EIF4G3: variants seen among roughly 807,000 people sequenced by gnomAD.
EIF4G3 encodes eukaryotic translation initiation factor 4 gamma 3.
In EIF4G3, 34 loss-of-function variants were observed where a neutral mutation model predicts 186.4. The ratio of observed to expected loss-of-function variants is 0.18; its 90% CI spans 0.14 to 0.24. The LOEUF is 0.24. EIF4G3 is among the 10% of genes least tolerant of loss of function. The pLI is 1.00. For synonymous variants in EIF4G3, 673 were observed against 679.5 expected (o/e 0.99, Z 0.15); for missense variants, 1,536 against 1,948.5 (o/e 0.79, Z 3.99).
At chr1:21,094,803 T>TAATAAA (rs1405484355) in intron 2 of EIF4G3, among the ~76,000 whole-genome samples, 6 of 145,012 alleles carry the variant, frequency 4.1e-5, no homozygotes, top group South Asian at 2.2e-4. Flanking sequence ...ATAATAATAA[T>TAATAAA]AAAAGCCAGG....
intron 4 of EIF4G3, among the ~76,000 whole-genome samples, chr1:21,042,635 A>G (rs2093649244): frequency 6.6e-6 from 1 of 152,122 alleles, no homozygotes; most frequent in African/African-American, 2.4e-5. Context: ...CGTCCACTAC[A>G]ATAAATCTGA....
At chr1:21,037,504 A>G (rs979874664) in intron 4 of EIF4G3, among the ~76,000 whole-genome samples, 1 of 152,208 alleles carries the variant, frequency 6.6e-6, no homozygotes, top group African/African-American at 2.4e-5. Context: ...GAATCAGAAG[A>G]GTCAATTACA....
At chr1:21,169,931 C>T (rs901745016) in intron 2 of EIF4G3, among the ~76,000 whole-genome samples, 3 of 152,088 alleles carry the variant, frequency 2.0e-5, no homozygotes, top group Middle Eastern at 3.2e-3. Context: ...AATCCCAGCA[C>T]TTTGGGAGGC....
chr1:20,879,173 G>A (rs1310275392), intron 20 of EIF4G3, 150 bp downstream of exon 20: 2 of 564,736 alleles, frequency 3.5e-6, no homozygotes, highest in South Asian at 5.9e-5. Flanking sequence ...AAGCAAGATT[G>A]TCTTTAATAA....
At chr1:20,877,764 CAG>C in intron 20 of EIF4G3, among the ~76,000 whole-genome samples, 1 of 152,280 alleles carries the variant, frequency 6.6e-6, no homozygotes, top group South Asian at 2.1e-4. Flanking sequence ...GGATTAAAAA[CAG>C]GGGCTTAAAG....
At chr1:20,928,918 AC>A (rs1423606290) in intron 14 of EIF4G3, among the ~76,000 whole-genome samples, 6 of 152,090 alleles carry the variant, frequency 3.9e-5, no homozygotes, top group Non-Finnish European at 5.9e-5. Context: ...CCTGGTGAGC[AC>A]TAATTTATTT....
chr1:20,853,514 G>T, intron 27 of EIF4G3, 46 bp downstream of exon 27: 1 of 1,295,018 alleles, frequency 7.7e-7, no homozygotes, highest in South Asian at 1.2e-5. Flanking sequence ...CACACATACT[G>T]GCAAGCGGGC....
At position 20,879,501 on chromosome 1, in the gene EIF4G3, C is replaced by T. The variant is rs950216111; in HGVS notation, c.2444G>A (p.Arg815Gln). The T allele has an allele frequency of 1.4e-6, 2 of 1,437,814 alleles. No homozygotes were observed. The highest frequency in any genetic ancestry group is 1.8e-6 in the Non-Finnish European group (2 of 1,086,756). The allele number at this position is 1,437,814 out of a possible 1,614,324, so 89.1% of individuals were successfully genotyped here. A position where few individuals can be genotyped will look rare whatever the true frequency, so the allele number is the denominator to read the frequency against. The change falls in exon 20 of 37, where the codon CGA becomes CAA. Residue 815 changes from arginine (R) to glutamine (Q), a missense_variant. By Grantham distance (43) the Arg-to-Gln change is conservative. Around this residue, in one of 11 missense-constraint regions of EIF4G3, gnomAD observed 139 missense variants for 192.8 expected, o/e 0.72. Transcript: ENST00000602326. ...IKTQELFRKVRSILNKLTPQM... is the reference protein window; with the variant it reads ...IKTQELFRKVQSILNKLTPQM... ...TGGTGTCAATTTATTTAAGATACTT[C>T]GAACTTTTCTAAAAAGCTCCTAGAA...
chr1:21,083,219 C>T (rs2095850383), intron 3 of EIF4G3, among the ~76,000 whole-genome samples: 1 of 151,916 alleles, frequency 6.6e-6, no homozygotes, highest in Non-Finnish European at 1.5e-5. Flanking sequence ...CTGACCTAGA[C>T]GACAGAGTGA....
intron 3 of EIF4G3, among the ~76,000 whole-genome samples, chr1:21,086,957 A>G (rs1421112953): frequency 2.0e-5 from 3 of 151,634 alleles, no homozygotes; most frequent in African/African-American, 7.3e-5. Context: ...AAAAAAAGAA[A>G]AAAAGAAATG....
intron 4 of EIF4G3, 145 bp downstream of exon 4, chr1:21,050,721 G>T (rs1374412134): frequency 1.8e-6 from 1 of 554,294 alleles, no homozygotes; most frequent in Non-Finnish European, 3.1e-6. Context: ...TTTATGAACG[G>T]TTAAGTCTGA....
chr1:20,959,655 CAAT>C (rs61144464), intron 12 of EIF4G3, among the ~76,000 whole-genome samples: 17,869 of 142,302 alleles, frequency 0.13, 1,158 homozygotes, highest in African/African-American at 0.19. Context: ...AACAAATCAG[CAAT>C]AATAATAATA....
intron 3 of EIF4G3, among the ~76,000 whole-genome samples, chr1:21,075,291 G>C (rs933321552): frequency 2.0e-5 from 3 of 151,864 alleles, no homozygotes; most frequent in African/African-American, 7.3e-5. Flanking sequence ...ACATAGGGCC[G>C]GGCAGGGTGG....
chr1:21,007,524 A>AAAAC (rs1557469165), intron 4 of EIF4G3, among the ~76,000 whole-genome samples: 2 of 140,436 alleles, frequency 1.4e-5, no homozygotes, highest in African/African-American at 5.3e-5. Context: ...TTAAAAAAAA[A>AAAAC]AAAAAAAAAA....
chr1:20,891,492 G>A (rs2086016414), intron 18 of EIF4G3, among the ~76,000 whole-genome samples: 2 of 151,954 alleles, frequency 1.3e-5, no homozygotes, highest in Non-Finnish European at 1.5e-5. Flanking sequence ...TATAAAATGG[G>A]CCGGGCACAG....
intron 22 of EIF4G3, among the ~76,000 whole-genome samples, chr1:20,863,989 G>A (rs566826184): frequency 6.6e-6 from 1 of 152,228 alleles, no homozygotes; most frequent in South Asian, 2.1e-4. Flanking sequence ...CAGATGTTAT[G>A]GAGCGTTTCT....
At chr1:20,813,959 T>TG (rs2059820459) in intron 34 of EIF4G3, among the ~76,000 whole-genome samples, 1 of 139,730 alleles carries the variant, frequency 7.2e-6, no homozygotes, top group African/African-American at 2.7e-5. Context: ...TTTTTTTTTT[T>TG]TTTTTTTTTT....
chr1:20,827,842 G>A (rs1234498274), intron 31 of EIF4G3, 144 bp from the exon 32 acceptor site: 1 of 470,298 alleles, frequency 2.1e-6, no homozygotes, highest in East Asian at 3.3e-5. Flanking sequence ...CATGCTCTAA[G>A]TCATTTTCAG....
intron 22 of EIF4G3, among the ~76,000 whole-genome samples, chr1:20,863,151 T>A (rs1284651529): frequency 1.3e-5 from 2 of 152,062 alleles, no homozygotes; most frequent in East Asian, 3.9e-4. Context: ...TTTTCTAGGC[T>A]CCTGGCAGCT....
Sources: gnomAD v4.1 joint callset for allele counts (sites outside exome capture counted in the v4.1 genomes callset) on GRCh38, gnomAD v4.1.1 for gene constraint, gnomAD v4.1.1 regional missense constraint, MANE v1.5 for transcripts, NCBI Gene and HGNC (gene_info 2026-07-23, HGNC 2026-07-21) for gene names.